MEGF10: variants seen among roughly 807,000 people sequenced by gnomAD.
MEGF10 encodes multiple EGF like domains 10.
Under a neutral mutation model 147.5 loss-of-function variants are expected in MEGF10, and 86 were observed. That is an observed-to-expected ratio of 0.58 (90% CI 0.49 to 0.70). The LOEUF is 0.70. Among genes scored for constraint, MEGF10 ranks in the 30% least tolerant of loss-of-function variants. The probability of loss-of-function intolerance (pLI) is 0.00; values close to 1 mark genes in which losing one functional copy is unlikely to be tolerated. For missense variants in MEGF10, 1,329 were observed against 1,487.3 expected, an observed-to-expected ratio of 0.89 and a Z score of 1.75; for synonymous variants, 478 against 525.5, an observed-to-expected ratio of 0.91 and a Z score of 1.24.
the MEGF10 span, among the ~76,000 whole-genome samples, chr5:127,247,338 GA>G: frequency 2.7e-3 from 7 of 2,566 alleles, no homozygotes; most frequent in Non-Finnish European, 5.2e-3. Flanking sequence ...AGAAGAAGAA[GA>G]AGAAGAAGAA....
intron 15 of MEGF10, 66 bp from the exon 16 acceptor site, chr5:127,435,295 C>G: frequency 6.3e-7 from 1 of 1,587,128 alleles, no homozygotes; most frequent in Non-Finnish European, 8.6e-7. Context: ...ATTTCCTGTG[C>G]TAAGATTCTA....
At chr5:127,395,547 T>A (rs1457755283) in intron 5 of MEGF10, among the ~76,000 whole-genome samples, 1 of 133,206 alleles carries the variant, frequency 7.5e-6, no homozygotes, top group Non-Finnish European at 1.6e-5. Context: ...TTTTTTTTTT[T>A]TTTTTTTTTT....
At chr5:127,320,889 C>A (rs924481965) in intron 1 of MEGF10, among the ~76,000 whole-genome samples, 1 of 152,188 alleles carries the variant, frequency 6.6e-6, no homozygotes, top group African/African-American at 2.4e-5. Flanking sequence ...GCAGCTGAGT[C>A]ACAAATGTCA....
the MEGF10 span, among the ~76,000 whole-genome samples, chr5:127,243,739 C>G: frequency 2.0e-5 from 3 of 152,022 alleles, no homozygotes; most frequent in African/African-American, 7.2e-5. Flanking sequence ...GTTGGAAATG[C>G]TAGAGGTGGT....
At chr5:127,331,120 C>T (rs1033574105) in intron 1 of MEGF10, among the ~76,000 whole-genome samples, 171 bp from the exon 2 acceptor site, 2 of 152,142 alleles carry the variant, frequency 1.3e-5, no homozygotes, top group African/African-American at 4.8e-5. Flanking sequence ...ACATAAGAAA[C>T]ACCCCTCTCT....
rs79697852 is a variant in MEGF10 at position 127,329,064 on chromosome 5, C to T, written c.-18-2227C>T. On this transcript the variant is annotated intron_variant, in intron 1 of 24. Transcript: ENST00000503335. ...AGTACTGTGTCTGGCACACAGTAAT[C>T]GGTCAGGAAATGTTATCTGTTATTG... is the stretch of plus-strand genomic sequence containing the variant. Among the ~76,000 whole-genome samples, 912 of 152,170 alleles carry T rather than the reference C, an allele frequency of 6.0e-3. 9 individuals are homozygous for T. Among genetic ancestry groups the T allele is most frequent in the African/African-American group, 0.021 (877 of 41,518 alleles).
Position 127,359,175 on chromosome 5 carries a change from AAAGCC to A in MEGF10, c.320-10732_320-10728del, listed in dbSNP as rs956674251. On this transcript the variant is annotated intron_variant, in intron 4 of 24. Transcript: ENST00000503335. ...AAATAAATATTTATTGGGAGGGTCTAAAGCCAATACCTTCATAGGCATTTAAAGAG... is the reference window on the plus strand; with the variant it reads ...AAATAAATATTTATTGGGAGGGTCTAAATACCTTCATAGGCATTTAAAGAG... Among the ~76,000 whole-genome samples, 41 of 152,072 alleles carry A rather than the reference AAAGCC, an allele frequency of 2.7e-4. 1 individual carries two copies. The highest frequency in any genetic ancestry group is 1.2e-4 in the Non-Finnish European group (8 of 67,998).
Position 127,460,414 on chromosome 5 carries a change from AGT to A in MEGF10, c.*3097_*3098del, listed in dbSNP as rs1376683690. ...TGATACAGTAGTAATGTTAACAGAG[AGT>A]TTAATATGTTTAGCATTATCTTTAT... On this transcript the variant is annotated 3_prime_UTR_variant, in exon 25 of 25. Transcript: ENST00000503335. 1 of 152,154 alleles carries A rather than the reference AGT, an allele frequency of 6.6e-6. No homozygotes were observed. Among genetic ancestry groups the A allele is most frequent in the African/African-American group, 2.4e-5 (1 of 41,444 alleles). The allele number at this position is 152,154 out of a possible 1,614,324, so 9.4% of individuals were successfully genotyped here.
chr5:127,303,333 G>C (rs2546079), intron 1 of MEGF10, among the ~76,000 whole-genome samples: 85,280 of 132,254 alleles, frequency 0.64, 27,171 homozygotes, highest in Middle Eastern at 0.76. Context: ...GAGACTCCAT[G>C]TCAAAAAAAA....
chr5:127,247,327 AAG>A, the MEGF10 span, among the ~76,000 whole-genome samples: 4 of 2,646 alleles, frequency 1.5e-3, no homozygotes, highest in Non-Finnish European at 2.6e-3. Context: ...AGAGAAGAAG[AAG>A]AAGAAGAAGA....
chr5:127,380,621 G>A (rs1322319234), intron 5 of MEGF10, among the ~76,000 whole-genome samples: 3 of 151,648 alleles, frequency 2.0e-5, no homozygotes, highest in East Asian at 1.9e-4. Context: ...GGGTTCAAAC[G>A]ATTCTCCTGC....
the MEGF10 span, among the ~76,000 whole-genome samples, chr5:127,256,438 C>T: frequency 6.6e-6 from 1 of 152,104 alleles, no homozygotes; most frequent in South Asian, 2.1e-4. Context: ...ATAATTATCC[C>T]TGATGTTTAT....
chr5:127,413,426 A>G (rs1041161576), intron 9 of MEGF10, among the ~76,000 whole-genome samples: 6 of 152,224 alleles, frequency 3.9e-5, no homozygotes, highest in African/African-American at 1.2e-4. Context: ...AATTGTCATT[A>G]TATTTGATCA....
Position 127,445,527 on chromosome 5 carries a change from C to T in MEGF10, c.2562C>T (p.Tyr854=). The T allele has an allele frequency of 2.5e-6, 4 of 1,614,152 alleles. No homozygotes were observed. The highest frequency in any genetic ancestry group is 3.4e-6 in the Non-Finnish European group (4 of 1,180,030). ...RTSTALPADS[Y]QIGAIAGIII... is the part of the protein sequence containing the mutation. ...GTACTGCTCTCCCTGCTGATTCCTACCAGATCGGGGCCATTGCAGGCATCA... is the reference window on the plus strand; with the variant it reads ...GTACTGCTCTCCCTGCTGATTCCTATCAGATCGGGGCCATTGCAGGCATCA... The change falls in exon 20 of 25, where the codon TAC becomes TAT. Residue 854 remains tyrosine (Y), a synonymous_variant. Coordinates refer to ENST00000503335, the MANE Select transcript of MEGF10 (RefSeq NM_001256545.2).
intron 1 of MEGF10, among the ~76,000 whole-genome samples, chr5:127,306,713 A>T (rs1280092409): frequency 6.6e-6 from 1 of 152,242 alleles, no homozygotes; most frequent in Admixed American, 6.5e-5. Flanking sequence ...TCCTTGTTGA[A>T]GGCCCAATGG....
Position 127,354,978 on chromosome 5 carries a change from C to T in MEGF10, c.319+14348C>T, listed in dbSNP as rs574384287. 2.6e-5 allele frequency among the ~76,000 whole-genome samples: 4 copies of T among 152,280 alleles called. No individual in the cohort carries two copies. The East Asian group carries it at 5.8e-4, about 22-fold the overall frequency. On this transcript the variant is annotated intron_variant, in intron 4 of 24. Transcript: ENST00000503335. Reference sequence around the variant, plus strand: ...AACTGAAGATAGTTTCTTTCCCTACCTTACAATTATGTGAGGACACATTTA... The same window carrying T: ...AACTGAAGATAGTTTCTTTCCCTACTTTACAATTATGTGAGGACACATTTA...
chr5:127,267,822 T>G, the MEGF10 span, among the ~76,000 whole-genome samples: 1 of 152,228 alleles, frequency 6.6e-6, no homozygotes, highest in Non-Finnish European at 1.5e-5. Context: ...TTTTCTTCTT[T>G]ATTAGTCTTG....
rs1188462262 is a variant in MEGF10 at position 127,459,219 on chromosome 5, C to T, written c.*1901C>T. On this transcript the variant is annotated 3_prime_UTR_variant, in exon 25 of 25. Coordinates refer to ENST00000503335, the MANE Select transcript of MEGF10 (RefSeq NM_001256545.2). Reference sequence around the variant, plus strand: ...TATCCAGTTATTTCATGTCACACATCGGCACGTATGATGGTGGTTTGGTCA... The same window carrying T: ...TATCCAGTTATTTCATGTCACACATTGGCACGTATGATGGTGGTTTGGTCA... 2.6e-5 allele frequency: 4 copies of T among 152,248 alleles called. No individual in the cohort carries two copies. Among genetic ancestry groups the T allele is most frequent in the East Asian group, 1.9e-4 (1 of 5,178 alleles). The allele number at this position is 152,248 out of a possible 1,614,324, so 9.4% of individuals were successfully genotyped here. A position where few individuals can be genotyped will look rare whatever the true frequency, so the allele number is the denominator to read the frequency against.
chr5:127,332,662 G>A (rs1160725824), intron 2 of MEGF10, among the ~76,000 whole-genome samples: 3 of 152,080 alleles, frequency 2.0e-5, no homozygotes, highest in African/African-American at 4.8e-5. Flanking sequence ...ATATAATAAA[G>A]TTCTATATAT....
Sources: allele counts gnomAD v4.1 joint callset (sites outside exome capture counted in the v4.1 genomes callset), GRCh38; gene constraint gnomAD v4.1.1; transcripts MANE v1.5; gene names NCBI Gene and HGNC (gene_info 2026-07-23, HGNC 2026-07-21).